CLSTN2: variants seen among roughly 807,000 people sequenced by gnomAD.
The protein encoded by CLSTN2 is calsyntenin 2, also known as calsyntenin-2.
A neutral mutation model predicts 101.2 loss-of-function variants in CLSTN2; 48 were observed. The observed-to-expected ratio is 0.47, with a 90% CI of 0.38 to 0.60. The LOEUF (loss-of-function observed/expected upper bound fraction) is 0.60. Ranked by LOEUF, CLSTN2 falls within the 20% of genes least tolerant of loss-of-function variation. The pLI is 0.00. For synonymous variants in CLSTN2, 481 were observed against 463.6 expected, an observed-to-expected ratio of 1.04 and a Z score of -0.48; for missense variants, 1,160 against 1,238.2, an observed-to-expected ratio of 0.94 and a Z score of 0.95.
intron 2 of CLSTN2, among the ~76,000 whole-genome samples, chr3:140,194,895 C>A (rs1392299953): frequency 6.6e-6 from 1 of 152,350 alleles, no homozygotes; most frequent in East Asian, 1.9e-4. Flanking sequence ...GATACAACCC[C>A]AGTGGGGAGA....
Position 140,372,173 on chromosome 3 carries a change from C to A in CLSTN2, c.233-31456C>A, listed in dbSNP as rs80289121. On this transcript the variant is annotated intron_variant, in intron 2 of 16. Transcript: ENST00000458420. ...GTCTTTCTCCCCAGCCACCGTGCTC[C>A]TCGTAGTATCCGGGATGAAATTCTC... 2.6e-3 allele frequency among the ~76,000 whole-genome samples: 393 copies of A among 152,314 alleles called. 2 individuals carry two copies. Among genetic ancestry groups the A allele is most frequent in the African/African-American group, 8.3e-3 (345 of 41,578 alleles).
intron 1 of CLSTN2, among the ~76,000 whole-genome samples, chr3:139,946,149 G>A (rs1305863884): frequency 6.6e-6 from 1 of 152,172 alleles, no homozygotes. Context: ...CCTGCCCTTA[G>A]GATGTATGAT....
intron 1 of CLSTN2, among the ~76,000 whole-genome samples, chr3:140,119,481 G>A (rs1309546155): frequency 6.6e-6 from 1 of 152,152 alleles, no homozygotes; most frequent in Non-Finnish European, 1.5e-5. Context: ...ACAGTTAATT[G>A]TTGGAATGTA....
intron 1 of CLSTN2, among the ~76,000 whole-genome samples, chr3:140,171,700 A>AT (rs1412014571): frequency 4.4e-5 from 5 of 113,092 alleles, no homozygotes; most frequent in Admixed American, 1.2e-4. Flanking sequence ...ATATTAATAT[A>AT]TAATATGTAT....
chr3:140,264,375 AATATATATATATAT>A (rs61248635), intron 2 of CLSTN2, among the ~76,000 whole-genome samples: 2,388 of 98,246 alleles, frequency 0.024, 70 homozygotes, highest in Non-Finnish European at 0.035. Flanking sequence ...TAATGAATCA[AATATATATATATAT>A]ATATATATAT....
intron 2 of CLSTN2, among the ~76,000 whole-genome samples, chr3:140,192,959 T>C (rs973316005): frequency 3.0e-4 from 45 of 151,924 alleles, no homozygotes; most frequent in African/African-American, 1.1e-3. Context: ...TATGGCTTTT[T>C]TTAGTGGTTG....
intron 9 of CLSTN2, among the ~76,000 whole-genome samples, chr3:140,541,829 A>G (rs1160160274): frequency 1.3e-5 from 2 of 152,010 alleles, no homozygotes; most frequent in Non-Finnish European, 2.9e-5. Flanking sequence ...TTTTTCCCCC[A>G]AAGGCTGATC....
chr3:140,261,395 T>C (rs2086652806), intron 2 of CLSTN2, among the ~76,000 whole-genome samples: 1 of 152,194 alleles, frequency 6.6e-6, no homozygotes, highest in Non-Finnish European at 1.5e-5. Flanking sequence ...TTGGCTCCTG[T>C]TTCCCTTTAA....
chr3:140,270,537 A>G (rs1576493327), intron 2 of CLSTN2, among the ~76,000 whole-genome samples: 1 of 152,194 alleles, frequency 6.6e-6, no homozygotes, highest in African/African-American at 2.4e-5. Context: ...CCGCAACTCT[A>G]GTGCCTCCCA....
At chr3:140,244,580 G>A (rs906542243) in intron 2 of CLSTN2, among the ~76,000 whole-genome samples, 6 of 152,150 alleles carry the variant, frequency 3.9e-5, no homozygotes, top group Non-Finnish European at 8.8e-5. Flanking sequence ...TGGCCCTTAA[G>A]TTCATGCCTG....
intron 2 of CLSTN2, among the ~76,000 whole-genome samples, chr3:140,351,840 A>G (rs936586214): frequency 1.3e-5 from 2 of 151,890 alleles, no homozygotes; most frequent in Non-Finnish European, 2.9e-5. Context: ...CAGCAAGTGC[A>G]AAGGCATTGA....
chr3:140,059,117 T>A (rs926175875), intron 1 of CLSTN2, among the ~76,000 whole-genome samples: 1 of 152,266 alleles, frequency 6.6e-6, no homozygotes, highest in Admixed American at 6.5e-5. Context: ...GCGTCCTGCA[T>A]GTGCAATCTG....
chr3:140,342,289 CTCCCTTAAGTTGTGACACTGAAAAATGTA>C (rs1419643506), intron 2 of CLSTN2, among the ~76,000 whole-genome samples: 3 of 152,158 alleles, frequency 2.0e-5, no homozygotes, highest in Non-Finnish European at 2.9e-5. Context: ...AATAGCACCA[CTCCCTTAAGTTGTGACACTGAAAAATGTA>C]TCCAGATTGC....
chr3:140,260,694 T>A (rs919674080), intron 2 of CLSTN2, among the ~76,000 whole-genome samples: 4 of 152,190 alleles, frequency 2.6e-5, no homozygotes, highest in Non-Finnish European at 5.9e-5. Flanking sequence ...GTCTATAGTT[T>A]ATTTAGATTT....
chr3:139,941,146 T>TA (rs1352331401), intron 1 of CLSTN2, among the ~76,000 whole-genome samples: 114 of 152,294 alleles, frequency 7.5e-4, no homozygotes, highest in African/African-American at 2.6e-3. Context: ...AGCTGTTATC[T>TA]AACCCATGAC....
chr3:140,222,874 G>GGAAAAAAA (rs375172985), intron 2 of CLSTN2, among the ~76,000 whole-genome samples: 1 of 143,204 alleles, frequency 7.0e-6, no homozygotes, highest in African/African-American at 2.6e-5. Context: ...AAAATTTTAA[G>GGAAAAAAA]AAAAAAAAAA....
intron 7 of CLSTN2, among the ~76,000 whole-genome samples, chr3:140,461,884 T>C (rs901293285): frequency 2.6e-5 from 4 of 151,928 alleles, no homozygotes; most frequent in African/African-American, 9.7e-5. Context: ...TGGGAAGATA[T>C]TTCTCTAACT....
chr3:139,999,175 T>A (rs1406877275), intron 1 of CLSTN2, among the ~76,000 whole-genome samples: 2 of 152,212 alleles, frequency 1.3e-5, no homozygotes, highest in Admixed American at 1.3e-4. Context: ...CTTTCATTTT[T>A]AAAATTTCAA....
At chr3:139,952,234 T>C (rs1343706299) in intron 1 of CLSTN2, among the ~76,000 whole-genome samples, 1 of 152,238 alleles carries the variant, frequency 6.6e-6, no homozygotes, top group Non-Finnish European at 1.5e-5. Flanking sequence ...GAAGACCTGG[T>C]TGACATTCTG....
Sources: gnomAD v4.1 joint callset for allele counts (sites outside exome capture counted in the v4.1 genomes callset) on GRCh38, gnomAD v4.1.1 for gene constraint, MANE v1.5 for transcripts, NCBI Gene and HGNC (gene_info 2026-07-23, HGNC 2026-07-21) for gene names.